The following MAP3K21 variants were observed in gnomAD, a reference collection of about 807,000 sequenced individuals.
MAP3K21 encodes the protein mitogen-activated protein kinase kinase kinase MLK4.
A neutral mutation model predicts 86.1 loss-of-function variants in MAP3K21; 63 were observed. The ratio of observed to expected loss-of-function variants is 0.73; its 90% CI spans 0.60 to 0.90. MAP3K21 has a LOEUF of 0.90. MAP3K21 is among the 40% of genes least tolerant of loss of function. The pLI is 0.00. For synonymous variants in MAP3K21, 558 were observed against 564.8 expected (o/e 0.99, Z 0.17); for missense variants, 1,220 against 1,367.7 (o/e 0.89, Z 1.70).
chr1:233,334,449 G>A (rs1461570498), intron 1 of MAP3K21, among the ~76,000 whole-genome samples: 1 of 152,144 alleles, frequency 6.6e-6, no homozygotes, highest in Non-Finnish European at 1.5e-5. Context: ...TTTCTTGGGA[G>A]ATCTGTCAGA....
rs1322313409 is a variant in MAP3K21, at chr1:233,327,758, G to C, written c.-271G>C. 8 of 276,006 alleles carry C rather than the reference G, an allele frequency of 2.9e-5. No homozygotes were observed. The highest frequency in any genetic ancestry group is 6.3e-5 in the East Asian group (1 of 15,816). 17.1% of individuals were successfully genotyped at this position (276,006 alleles called of 1,614,324 possible). On this transcript the variant is annotated 5_prime_UTR_variant, in exon 1 of 10. Transcript: ENST00000366624. The stretch of plus-strand genomic sequence containing the variant: ...TCTGGCTAAGGAGCGCGCGGCGGGC[G>C]GGCCGGCCGCAGGGCCTGGGCACGA...
chr1:233,372,288 C>A, intron 6 of MAP3K21, 128 bp downstream of exon 6: 2 of 1,038,234 alleles, frequency 1.9e-6, no homozygotes, highest in Non-Finnish European at 2.7e-6. Context: ...TCGTAGGTGC[C>A]ACAACTATTT....
At chr1:233,330,897 A>C (rs12023241) in intron 1 of MAP3K21, among the ~76,000 whole-genome samples, 3 of 152,066 alleles carry the variant, frequency 2.0e-5, no homozygotes, top group Non-Finnish European at 4.4e-5. Flanking sequence ...GGATTTATGG[A>C]TCAATCAACA....
intron 2 of MAP3K21, among the ~76,000 whole-genome samples, chr1:233,351,140 TTTAC>T (rs979257689): frequency 6.6e-6 from 1 of 152,082 alleles, no homozygotes; most frequent in Non-Finnish European, 1.5e-5. Flanking sequence ...ATGAGTTAAG[TTTAC>T]TTATTTTTGA....
rs1663790542 is a variant in MAP3K21, at chr1:233,376,065, AG to A, written c.1826+1del. 1.2e-6 allele frequency: 2 copies of A among 1,602,254 alleles called. No individual in the cohort carries two copies. The highest frequency in any genetic ancestry group is 4.5e-5 in the East Asian group (2 of 44,498). On this transcript the variant is annotated frameshift_variant and splice_region_variant, in exon 7 of 10. Transcript: ENST00000366624. LOFTEE classifies it high-confidence loss of function. The part of the protein sequence containing the change: ...QMKDRTDCKE[R>X]IRPLSDGNSP... ...GAAAGATAGAACAGATTGCAAAGAA[AG>A]GTACGTGTGTGGTATCTGGTGGTAT...
intron 1 of MAP3K21, among the ~76,000 whole-genome samples, chr1:233,341,803 C>T (rs10797447): frequency 0.42 from 64,412 of 151,888 alleles, 14,777 homozygotes; most frequent in African/African-American, 0.57. Context: ...TGTCTGCCTG[C>T]CTGGAGGTTT....
At chr1:233,377,879 C>A (rs921039436) in intron 8 of MAP3K21, among the ~76,000 whole-genome samples, 2 of 152,174 alleles carry the variant, frequency 1.3e-5, no homozygotes, top group African/African-American at 4.8e-5. Context: ...CCTAGATTCT[C>A]ATAAGGAGCA....
intron 6 of MAP3K21, chr1:233,374,187 T>A (rs958583756): frequency 4.0e-5 from 6 of 148,840 alleles, no homozygotes; most frequent in Non-Finnish European, 9.0e-5. Context: ...GCATCTACAT[T>A]TTTTTTTTTT....
chr1:233,341,452 A>G (rs1206688635), intron 1 of MAP3K21, among the ~76,000 whole-genome samples: 1 of 152,132 alleles, frequency 6.6e-6, no homozygotes, highest in Non-Finnish European at 1.5e-5. Flanking sequence ...TGGTACCCTA[A>G]AGGGTTGACA....
At chr1:233,358,432 C>T (rs1164794901) in intron 4 of MAP3K21, among the ~76,000 whole-genome samples, 1 of 148,332 alleles carries the variant, frequency 6.7e-6, no homozygotes, top group Non-Finnish European at 1.5e-5. Context: ...AACTTTTATG[C>T]ACTTTGTTGA....
chr1:233,334,374 G>A (rs935917088), intron 1 of MAP3K21, among the ~76,000 whole-genome samples: 12 of 152,078 alleles, frequency 7.9e-5, no homozygotes, highest in Non-Finnish European at 1.3e-4. Context: ...TACTAGCTGT[G>A]TGACCTTGAG....
intron 1 of MAP3K21, among the ~76,000 whole-genome samples, chr1:233,344,342 T>C (rs1174756205): frequency 6.6e-6 from 1 of 152,118 alleles, no homozygotes; most frequent in Admixed American, 6.5e-5. Context: ...ACTACAAGCC[T>C]ACAGTAACCA....
chr1:233,359,433 T>C (rs1340948404), intron 4 of MAP3K21, among the ~76,000 whole-genome samples: 1 of 152,218 alleles, frequency 6.6e-6, no homozygotes, highest in African/African-American at 2.4e-5. Flanking sequence ...AGTTTCCAGC[T>C]GCATCTTTTT....
intron 2 of MAP3K21, among the ~76,000 whole-genome samples, chr1:233,346,841 C>A (rs183881309): frequency 2.0e-4 from 30 of 152,278 alleles, no homozygotes; most frequent in African/African-American, 7.2e-4. Context: ...CTAGTTAAAT[C>A]ACAAGTTTAG....
chr1:233,341,175 T>C (rs921526417), intron 1 of MAP3K21, among the ~76,000 whole-genome samples: 1 of 152,190 alleles, frequency 6.6e-6, no homozygotes, highest in Non-Finnish European at 1.5e-5. Flanking sequence ...ACCATTTCTG[T>C]GGCCAAAAAG....
chr1:233,363,504 C>T (rs1663506519), intron 5 of MAP3K21, among the ~76,000 whole-genome samples: 1 of 151,960 alleles, frequency 6.6e-6, no homozygotes, highest in South Asian at 2.1e-4. Flanking sequence ...TCAAGACTAC[C>T]CTGGCCAACA....
chr1:233,342,631 G>A (rs1262808123), intron 1 of MAP3K21, among the ~76,000 whole-genome samples: 4 of 152,214 alleles, frequency 2.6e-5, no homozygotes, highest in African/African-American at 9.6e-5. Flanking sequence ...TCATATGTGA[G>A]TAGCAAATGA....
chr1:233,371,336 G>A (rs537307736), intron 5 of MAP3K21, among the ~76,000 whole-genome samples: 1 of 152,136 alleles, frequency 6.6e-6, no homozygotes, highest in East Asian at 1.9e-4. Context: ...TAAATCCAGG[G>A]CCATTTCAAT....
Position 233,379,049 on chromosome 1 carries a change from G to A in MAP3K21, c.2043G>A (p.Glu681=), listed in dbSNP as rs750112198. The stretch of plus-strand genomic sequence containing the variant: ...CTCTTGGGAAAGATGCTCAGAGAGA[G>A]AATCCTGCAGAAGCTGAAAGCTGGG... ...DLPLGKDAQR[E]NPAEAESWEE... is the part of the protein sequence containing the mutation. The change falls in exon 9 of 10, where the codon GAG becomes GAA. Residue 681 remains glutamate, a synonymous_variant. Transcript: ENST00000366624. The A allele has an allele frequency of 6.2e-7, 1 of 1,614,228 alleles. No individual in the cohort carries two copies. The highest frequency in any genetic ancestry group is 8.5e-7 in the Non-Finnish European group (1 of 1,180,032).
Sources: allele counts gnomAD v4.1 joint callset (sites outside exome capture counted in the v4.1 genomes callset), GRCh38; gene constraint gnomAD v4.1.1; transcripts MANE v1.5; gene names NCBI Gene and HGNC (gene_info 2026-07-23, HGNC 2026-07-21).